TSPEAR: variants seen among roughly 807,000 people sequenced by gnomAD.
The protein encoded by TSPEAR is thrombospondin type laminin G domain and EAR repeats.
Under a neutral mutation model 71.6 loss-of-function variants are expected in TSPEAR, and 69 were observed. The ratio of observed to expected loss-of-function variants is 0.96; its 90% CI spans 0.79 to 1.18. The LOEUF (loss-of-function observed/expected upper bound fraction) is 1.18. TSPEAR is among the 50% of genes most tolerant of loss of function. The pLI is 0.00. For synonymous variants in TSPEAR, 402 were observed against 387.2 expected, an observed-to-expected ratio of 1.04 and a Z score of -0.45; for missense variants, 971 against 894.9, an observed-to-expected ratio of 1.09 and a Z score of -1.09.
intron 9 of TSPEAR, among the ~76,000 whole-genome samples, chr21:44,521,169 G>A (rs1268858821): frequency 4.6e-5 from 7 of 152,202 alleles, no homozygotes; most frequent in African/African-American, 9.7e-5. Context: ...TGTCACCGGC[G>A]CTGCAGAGCC....
chr21:44,666,438 A>T, intron 1 of TSPEAR: 1 of 1,569,730 alleles, frequency 6.4e-7, no homozygotes, highest in Non-Finnish European at 8.7e-7. Flanking sequence ...GGGTCTGGAG[A>T]TTCATGCTCA....
chr21:44,558,883 T>C, intron 2 of TSPEAR: 1 of 854,612 alleles, frequency 1.2e-6, no homozygotes, highest in Non-Finnish European at 1.8e-6. Context: ...TTCCTCTTCC[T>C]TGTTGTTGTT....
At chr21:44,652,118 G>A (rs587688233) in intron 1 of TSPEAR, among the ~76,000 whole-genome samples, 4 of 151,898 alleles carry the variant, frequency 2.6e-5, no homozygotes, top group African/African-American at 7.2e-5. Context: ...CGAATAGCTG[G>A]GAGTACAGGT....
Position 44,517,910 on chromosome 21 carries a change from A to G in TSPEAR, c.1566+3973T>C, listed in dbSNP as rs587703392. On this transcript the variant is annotated intron_variant, in intron 9 of 11. Coordinates refer to ENST00000323084, the MANE Select transcript of TSPEAR (RefSeq NM_144991.3). ...TGATGAGATCTGGGCGGTTTTCTTC[A>G]AGCCTTCTCTGACAATTCCATCACT... is the stretch of plus-strand genomic sequence containing the variant. 8.9e-4 allele frequency: 416 copies of G among 468,254 alleles called. 3 individuals are homozygous for G. Among genetic ancestry groups the G allele is most frequent in the South Asian group, 5.7e-3 (368 of 64,386 alleles). 29.0% of individuals were successfully genotyped at this position (468,254 alleles called of 1,614,324 possible).
At chr21:44,601,673 G>T (rs782657545) in intron 1 of TSPEAR, 4 of 1,612,644 alleles carry the variant, frequency 2.5e-6, no homozygotes, top group South Asian at 2.2e-5. Flanking sequence ...CTCCTTTGCC[G>T]CCCCGCATGC....
rs1555914888 is a variant in TSPEAR at position 44,525,839 on chromosome 21, T to C, written c.1150A>G (p.Ile384Val). 1.2e-6 allele frequency: 2 copies of C among 1,613,942 alleles called. No individual in the cohort carries two copies. The highest frequency in any genetic ancestry group is 8.5e-7 in the Non-Finnish European group (1 of 1,180,018). Residue 384 changes from isoleucine (I) to valine (V), a missense_variant and splice_region_variant, in exon 8 of 12, where the codon ATC becomes GTC. By Grantham distance (29) the Ile-to-Val change is conservative (BLOSUM62 3). Transcript: ENST00000323084. ...AWRHFTIGKK[I>V]FLAVANFEPD... ...TCAAAATTAGCCACTGCCAGGAAGA[T>C]CTGAAAGAGAGTAAACCGGGACCAC... is the stretch of plus-strand genomic sequence containing the variant.
intron 10 of TSPEAR, among the ~76,000 whole-genome samples, chr21:44,505,679 T>C (rs1555911837): frequency 6.6e-6 from 1 of 150,766 alleles, no homozygotes; most frequent in South Asian, 2.1e-4. Context: ...TTGTCCTTTG[T>C]GTCTGCCTTA....
chr21:44,513,384 CCA>C (rs2052456262), intron 9 of TSPEAR, among the ~76,000 whole-genome samples: 1 of 152,224 alleles, frequency 6.6e-6, no homozygotes, highest in Admixed American at 6.5e-5. Context: ...CAGGCCACTC[CCA>C]GATTTTAAGC....
intron 1 of TSPEAR, among the ~76,000 whole-genome samples, chr21:44,590,510 G>A (rs587689387): frequency 3.9e-5 from 6 of 152,288 alleles, no homozygotes; most frequent in South Asian, 4.1e-4. Context: ...CTGTGTTCTC[G>A]CCAGCGATGC....
chr21:44,662,449 T>C (rs1292885645), intron 1 of TSPEAR, among the ~76,000 whole-genome samples: 2 of 152,176 alleles, frequency 1.3e-5, no homozygotes, highest in African/African-American at 4.8e-5. Context: ...CAATTCTAAA[T>C]GTGTAAGCAC....
Position 44,521,454 on chromosome 21 carries a change from C to T in TSPEAR, c.1566+429G>A, listed in dbSNP as rs139022132. Among the ~76,000 whole-genome samples, 315 of 152,336 alleles carry T rather than the reference C, an allele frequency of 2.1e-3. 3 individuals are homozygous for T. Among genetic ancestry groups the T allele is most frequent in the African/African-American group, 7.2e-3 (300 of 41,582 alleles). ...ACGTGCTGCCCCGACCCGGCCCCCA[C>T]GCTGCCCTGGGTCAGAGCCAAGCTG... On this transcript the variant is annotated intron_variant, in intron 9 of 11. Coordinates refer to ENST00000323084, the MANE Select transcript of TSPEAR (RefSeq NM_144991.3).
At chr21:44,698,144 C>T in intron 1 of TSPEAR, 1 of 654,816 alleles carries the variant, frequency 1.5e-6, no homozygotes. Context: ...CCACCCACTC[C>T]CCCGGCTCTT....
intron 1 of TSPEAR, among the ~76,000 whole-genome samples, chr21:44,645,667 T>TATC (rs1984285313): frequency 1.3e-5 from 2 of 152,156 alleles, no homozygotes; most frequent in African/African-American, 4.8e-5. Context: ...CCTCTTATCT[T>TATC]ATCGTCTGTG....
intron 1 of TSPEAR, among the ~76,000 whole-genome samples, chr21:44,617,357 G>T (rs954993886): frequency 6.6e-6 from 1 of 152,260 alleles, no homozygotes; most frequent in Non-Finnish European, 1.5e-5. Flanking sequence ...CAGGCTTGCC[G>T]CTGGGATGCA....
At chr21:44,649,011 CT>C (rs2146245287) in intron 1 of TSPEAR, among the ~76,000 whole-genome samples, 1 of 152,372 alleles carries the variant, frequency 6.6e-6, no homozygotes, top group Admixed American at 6.5e-5. Flanking sequence ...CGGGGTGCCC[CT>C]CCTGTCTGTG....
intron 8 of TSPEAR, 51 bp from the exon 9 acceptor site, chr21:44,522,163 A>G (rs940044694): frequency 1.9e-6 from 3 of 1,562,118 alleles, no homozygotes; most frequent in African/African-American, 1.4e-5. Flanking sequence ...CCACAGCCCC[A>G]TGGCAGCCCC....
rs186281004 is a variant in TSPEAR at position 44,710,296 on chromosome 21, C to T, written c.82+1137G>A. On this transcript the variant is annotated intron_variant, in intron 1 of 11. Coordinates refer to ENST00000323084, the MANE Select transcript of TSPEAR (RefSeq NM_144991.3). The surrounding 1 kb of genome is among the most constrained non-coding windows in gnomAD (Gnocchi z 4.6). Reference sequence around the variant, plus strand: ...CTGTGCGGGAGCTTCAGTCCTGTCCCCAACACCCAGGCAGTAATGGTTCCA... The same window carrying T: ...CTGTGCGGGAGCTTCAGTCCTGTCCTCAACACCCAGGCAGTAATGGTTCCA... Among the ~76,000 whole-genome samples the T allele has an allele frequency of 0.01, 1,559 of 152,322 alleles. 12 individuals carry two copies. Among genetic ancestry groups the T allele is most frequent in the Middle Eastern group, 0.027 (8 of 294 alleles).
intron 2 of TSPEAR, among the ~76,000 whole-genome samples, chr21:44,541,345 T>C (rs2053220305): frequency 6.6e-6 from 1 of 152,238 alleles, no homozygotes; most frequent in African/African-American, 2.4e-5. Flanking sequence ...TTATGCTGTA[T>C]AAAATGCTCT....
Position 44,711,332 on chromosome 21 carries a change from C to T in TSPEAR, c.82+101G>A, listed in dbSNP as rs977813885. The T allele has an allele frequency of 3.5e-6, 4 of 1,128,100 alleles. No homozygotes were observed. Among genetic ancestry groups the T allele is most frequent in the Middle Eastern group, 2.0e-4 (1 of 4,996 alleles). The allele number at this position is 1,128,100 out of a possible 1,614,324, so 69.9% of individuals were successfully genotyped here. A position where few individuals can be genotyped will look rare whatever the true frequency, so the allele number is the denominator to read the frequency against. On this transcript the variant is annotated intron_variant, in intron 1 of 11. Coordinates refer to ENST00000323084, the MANE Select transcript of TSPEAR (RefSeq NM_144991.3). This position sits in a 1 kb window ranked among gnomAD's most constrained non-coding sequence, Gnocchi z 4.5. ...GTCCTGCCAAAGCGTCCTCGGGCAC[C>T]GCGGCTTGAATCAGTGTTAGAAAGT... is the stretch of plus-strand genomic sequence containing the variant.
Sources: allele counts gnomAD v4.1 joint callset (sites outside exome capture counted in the v4.1 genomes callset), GRCh38; gene constraint gnomAD v4.1.1; non-coding constraint Gnocchi (gnomAD v3.1); transcripts MANE v1.5; gene names NCBI Gene and HGNC (gene_info 2026-07-23, HGNC 2026-07-21).